Variants in GOLM1 observed in about 807,000 individuals in gnomAD.
The protein encoded by GOLM1 is epididymis luminal protein 46.
Under a neutral mutation model 50.5 loss-of-function variants are expected in GOLM1, and 31 were observed. The ratio of observed to expected loss-of-function variants is 0.61; its 90% confidence interval spans 0.46 to 0.83. The LOEUF (loss-of-function observed/expected upper bound fraction) is 0.83. GOLM1 is among the 40% of genes least tolerant of loss of function. GOLM1 has a pLI of 0.00. For synonymous variants in GOLM1, 178 were observed against 192.8 expected, an observed-to-expected ratio of 0.92 and a Z score of 0.64; for missense variants, 491 against 501.3, an observed-to-expected ratio of 0.98 and a Z score of 0.20.
chr9:86,026,561 A>C lies in GOLM1; in HGVS notation c.*1256T>G, dbSNP rs1013127563. On this transcript the variant is annotated 3_prime_UTR_variant, in exon 10 of 10. Transcript: ENST00000388712. ...GAAAATAAGAGGGTTGGATCAAACG[A>C]TCTCTGGGGCCTTAGCATCTCAAAT... 33 of 912,690 alleles carry C rather than the reference A, an allele frequency of 3.6e-5. No homozygotes were observed. Among genetic ancestry groups the C allele is most frequent in the Admixed American group, 1.2e-4 (2 of 16,176 alleles). 56.5% of individuals were successfully genotyped at this position (912,690 alleles called of 1,614,324 possible). A position where few individuals can be genotyped will look rare whatever the true frequency, so the allele number is the denominator to read the frequency against.
intron 4 of GOLM1, among the ~76,000 whole-genome samples, chr9:86,049,666 TTGTC>T (rs998244803): frequency 1.2e-4 from 18 of 152,084 alleles, no homozygotes; most frequent in Non-Finnish European, 2.2e-4. Flanking sequence ...ATTTGGCTGT[TTGTC>T]TGTTATTGGT....
At chr9:86,088,420 GTA>G (rs71505775) in intron 1 of GOLM1, among the ~76,000 whole-genome samples, 13,542 of 85,534 alleles carry the variant, frequency 0.16, 1,103 homozygotes, top group Non-Finnish European at 0.19. Context: ...TTTGAAGGGT[GTA>G]TATATATATA....
intron 6 of GOLM1, among the ~76,000 whole-genome samples, chr9:86,039,618 C>T (rs1587700260): frequency 1.3e-5 from 2 of 152,156 alleles, no homozygotes; most frequent in Admixed American, 1.3e-4. Flanking sequence ...AAAGGGAATG[C>T]AGTACAGACA....
At chr9:86,076,636 C>G (rs1378566678) in intron 3 of GOLM1, among the ~76,000 whole-genome samples, 1 of 151,732 alleles carries the variant, frequency 6.6e-6, no homozygotes, top group East Asian at 1.9e-4. Flanking sequence ...GAGGCTGAGG[C>G]AGGTGGATCA....
chr9:86,037,012 A>G (rs1833167335), intron 6 of GOLM1, among the ~76,000 whole-genome samples: 1 of 152,264 alleles, frequency 6.6e-6, no homozygotes, highest in South Asian at 2.1e-4. Flanking sequence ...GGAATGGATT[A>G]TAAATCAATA....
At position 86,026,838 on chromosome 9, in the gene GOLM1, A is replaced by AAAAC. The variant is rs534060080; in HGVS notation, c.*975_*978dup. ...CAAGCTAAATGTGTACACTATGATA[A>AAAAC]AAACAACCATTGTATTCCTGTTTTT... On this transcript the variant is annotated 3_prime_UTR_variant, in exon 10 of 10. Transcript: ENST00000388712. The AAAAC allele has an allele frequency of 6.9e-5, 68 of 980,368 alleles. 2 individuals carry two copies. The South Asian group carries it at 2.8e-3, about 41-fold the overall frequency. 60.7% of individuals were successfully genotyped at this position (980,368 alleles called of 1,614,324 possible).
chr9:86,055,174 G>T (rs930568420), intron 3 of GOLM1, among the ~76,000 whole-genome samples: 1 of 152,190 alleles, frequency 6.6e-6, no homozygotes, highest in Non-Finnish European at 1.5e-5. Context: ...GGAGCTCTGA[G>T]GATATGGAAC....
intron 1 of GOLM1, among the ~76,000 whole-genome samples, chr9:86,099,197 G>T (rs1034334971): frequency 2.4e-4 from 36 of 151,574 alleles, no homozygotes; most frequent in Admixed American, 2.0e-3. Context: ...GGAGCGAGCC[G>T]AGGGGCCCAG....
chr9:86,085,729 G>A (rs901749473), intron 1 of GOLM1, among the ~76,000 whole-genome samples: 3 of 152,196 alleles, frequency 2.0e-5, no homozygotes, highest in African/African-American at 7.2e-5. Context: ...AGAACATGTG[G>A]TGTTTGGTTT....
intron 1 of GOLM1, among the ~76,000 whole-genome samples, chr9:86,091,825 C>T (rs2118901604): frequency 6.6e-6 from 1 of 152,356 alleles, no homozygotes; most frequent in African/African-American, 2.4e-5. Context: ...TCCATTCTCA[C>T]TTCAAGGGAA....
rs7874028 is a variant in GOLM1, at chr9:86,042,538, C to A, written c.468-1670G>T. Among the ~76,000 whole-genome samples, 502 of 152,148 alleles carry A rather than the reference C, an allele frequency of 3.3e-3. 6 individuals are homozygous for A. The highest frequency in any genetic ancestry group is 3.4e-3 in the Non-Finnish European group (234 of 68,000). ...AGGTGCTATGGAAATAATGCAGTGCCGAGTTCCTGACCTTGAACAGCTGAC... is the reference window on the plus strand; with the variant it reads ...AGGTGCTATGGAAATAATGCAGTGCAGAGTTCCTGACCTTGAACAGCTGAC... On this transcript the variant is annotated intron_variant, in intron 5 of 9. Transcript: ENST00000388712.
chr9:86,079,363 A>C, intron 1 of GOLM1, 22 bp from the exon 2 acceptor site: 1 of 1,539,568 alleles, frequency 6.5e-7, no homozygotes, highest in Non-Finnish European at 8.8e-7. Flanking sequence ...AAGCAAATAA[A>C]TAAACATCAA....
At chr9:86,091,644 G>C (rs1835189434) in intron 1 of GOLM1, among the ~76,000 whole-genome samples, 1 of 152,166 alleles carries the variant, frequency 6.6e-6, no homozygotes, top group Admixed American at 6.5e-5. Context: ...CTGCAGCCTT[G>C]AACTCCTGGA....
chr9:86,036,526 A>C lies in GOLM1; in HGVS notation c.598-19T>G, dbSNP rs41283655. ...CTTGGAGCTGAAACAGAAGCACAGGACAGCCAGCCAGGGCAGGGCTCTGTG... is the reference window on the plus strand; with the variant it reads ...CTTGGAGCTGAAACAGAAGCACAGGCCAGCCAGCCAGGGCAGGGCTCTGTG... On this transcript the variant is annotated intron_variant, in intron 6 of 9. Coordinates refer to ENST00000388712, the MANE Select transcript of GOLM1 (RefSeq NM_016548.4). 6.2e-7 allele frequency: 1 copy of C among 1,612,678 alleles called. No individual in the cohort carries two copies.
intron 3 of GOLM1, among the ~76,000 whole-genome samples, chr9:86,058,731 T>C (rs1265837031): frequency 2.1e-5 from 3 of 144,624 alleles, no homozygotes; most frequent in Non-Finnish European, 3.0e-5. Context: ...GCGAGGTGGC[T>C]CACGCCTGTA....
intron 1 of GOLM1, among the ~76,000 whole-genome samples, chr9:86,093,034 G>A (rs148670182): frequency 1.9e-3 from 289 of 152,236 alleles, no homozygotes; most frequent in African/African-American, 6.6e-3. Context: ...ACTCTGTGAG[G>A]CTCCAGGCTT....
intron 3 of GOLM1, among the ~76,000 whole-genome samples, chr9:86,059,145 A>G (rs1392655714): frequency 6.6e-6 from 1 of 152,234 alleles, no homozygotes; most frequent in East Asian, 1.9e-4. Flanking sequence ...CAGTTTCTCA[A>G]AAAGTTCAAC....
intron 8 of GOLM1, among the ~76,000 whole-genome samples, chr9:86,034,067 C>T (rs563380162): frequency 1.6e-4 from 24 of 151,254 alleles, no homozygotes; most frequent in African/African-American, 4.4e-4. Context: ...GGGGTTCAAG[C>T]GATTCTCCTG....
intron 9 of GOLM1, among the ~76,000 whole-genome samples, chr9:86,028,444 C>T (rs967485502): frequency 3.3e-5 from 5 of 152,208 alleles, no homozygotes; most frequent in Admixed American, 6.5e-5. Flanking sequence ...CCCATGCTAT[C>T]CCCCTTCTGG....
Sources: gnomAD v4.1 joint callset for allele counts (sites outside exome capture counted in the v4.1 genomes callset) on GRCh38, gnomAD v4.1.1 for gene constraint, MANE v1.5 for transcripts, NCBI Gene and HGNC (gene_info 2026-07-23, HGNC 2026-07-21) for gene names.